DLGAP2: variants seen among roughly 807,000 people sequenced by gnomAD.
The protein encoded by DLGAP2 is disks large-associated protein 2.
A neutral mutation model predicts 100.3 loss-of-function variants in DLGAP2; 26 were observed. The ratio of observed to expected loss-of-function variants is 0.26; its 90% confidence interval spans 0.19 to 0.36. DLGAP2 has a LOEUF of 0.36. Among genes scored for constraint, DLGAP2 ranks in the 10% least tolerant of loss-of-function variants. The pLI is 1.00. For missense variants in DLGAP2, 1,858 were observed against 1,453.2 expected (o/e 1.28, Z -4.53); for synonymous variants, 886 against 630.1 (o/e 1.41, Z -6.08).
At chr8:1,277,773 C>T (rs1035075441) in intron 3 of DLGAP2, among the ~76,000 whole-genome samples, 1 of 152,296 alleles carries the variant, frequency 6.6e-6, no homozygotes, top group Admixed American at 6.5e-5. Flanking sequence ...GCAGGGCCGG[C>T]TTGCTCTGAA....
At chr8:983,103 A>G (rs368351042) in intron 2 of DLGAP2, among the ~76,000 whole-genome samples, 1 of 152,266 alleles carries the variant, frequency 6.6e-6, no homozygotes, top group African/African-American at 2.4e-5. Context: ...GATGGACCTG[A>G]CGGACTAGCC....
rs117253982 is a variant in DLGAP2, at chr8:1,358,547, G to A, written c.106+99664G>A. ...CCCTCTTTGCATTCCTTAACATCACGCTGGAGACCTCAAATCTATTCAATA... is the reference window on the plus strand; with the variant it reads ...CCCTCTTTGCATTCCTTAACATCACACTGGAGACCTCAAATCTATTCAATA... On this transcript the variant is annotated intron_variant, in intron 3 of 14. Transcript: ENST00000637795. Among the ~76,000 whole-genome samples, 66 of 152,246 alleles carry A rather than the reference G, an allele frequency of 4.3e-4. 2 individuals are homozygous for A. The East Asian group carries it at 0.012, about 27-fold the overall frequency.
intron 2 of DLGAP2, among the ~76,000 whole-genome samples, chr8:1,164,180 T>C (rs1336183930): frequency 1.6e-5 from 2 of 128,514 alleles, no homozygotes; most frequent in Non-Finnish European, 3.4e-5. Flanking sequence ...GTCATTTTGG[T>C]TTGTGGGGAT....
intron 2 of DLGAP2, among the ~76,000 whole-genome samples, chr8:1,206,986 C>A (rs1417680263): frequency 6.6e-6 from 1 of 152,202 alleles, no homozygotes; most frequent in East Asian, 1.9e-4. Context: ...TGCCCACCCT[C>A]CCAGAGAGGC....
At chr8:1,324,171 C>T (rs371179953) in intron 3 of DLGAP2, among the ~76,000 whole-genome samples, 21 of 152,304 alleles carry the variant, frequency 1.4e-4, no homozygotes, top group Middle Eastern at 3.4e-3. Flanking sequence ...GGACTGTTTG[C>T]TCTTAAGTTG....
intron 8 of DLGAP2, among the ~76,000 whole-genome samples, chr8:1,658,576 T>C (rs1798337415): frequency 6.6e-6 from 1 of 152,094 alleles, no homozygotes. Flanking sequence ...CATGGGAGGG[T>C]GTATGTGTCC....
intron 3 of DLGAP2, among the ~76,000 whole-genome samples, chr8:1,382,541 A>G (rs1194133409): frequency 6.6e-6 from 1 of 152,194 alleles, no homozygotes; most frequent in Non-Finnish European, 1.5e-5. Context: ...TTTGAGACCA[A>G]CCTGGGCAAC....
chr8:813,400 T>C (rs75577870), intron 1 of DLGAP2, among the ~76,000 whole-genome samples: 1,743 of 152,280 alleles, frequency 0.011, 33 homozygotes, highest in African/African-American at 0.04. Context: ...GAAAATATTA[T>C]GTTGTGATTT....
At chr8:1,205,876 A>C (rs1362707328) in intron 2 of DLGAP2, among the ~76,000 whole-genome samples, 2 of 152,282 alleles carry the variant, frequency 1.3e-5, no homozygotes, top group Non-Finnish European at 2.9e-5. Flanking sequence ...AGGGCAGCCA[A>C]GTGCAGTGGC....
At chr8:998,596 C>G (rs1210785132) in intron 2 of DLGAP2, among the ~76,000 whole-genome samples, 2 of 152,118 alleles carry the variant, frequency 1.3e-5, no homozygotes, top group Non-Finnish European at 2.9e-5. Flanking sequence ...AGCCACCATG[C>G]CTGACCTCAT....
rs147288967 is a variant in DLGAP2, at chr8:1,281,603, A to T, written c.106+22720A>T. Among the ~76,000 whole-genome samples the T allele has an allele frequency of 7.8e-3, 1,195 of 152,290 alleles. 19 individuals are homozygous for T. The highest frequency in any genetic ancestry group is 0.027 in the African/African-American group (1,132 of 41,558). On this transcript the variant is annotated intron_variant, in intron 3 of 14. Coordinates refer to ENST00000637795, the MANE Select transcript of DLGAP2 (RefSeq NM_001346810.2). ...GTTGACCAGTTTTGAGCCCGTCCTCATTCTCATTGGGGAGCTGTTATTAAT... is the reference window on the plus strand; with the variant it reads ...GTTGACCAGTTTTGAGCCCGTCCTCTTTCTCATTGGGGAGCTGTTATTAAT...
chr8:1,681,700 G>C (rs1293538225), intron 12 of DLGAP2, among the ~76,000 whole-genome samples: 2 of 152,184 alleles, frequency 1.3e-5, no homozygotes, highest in Non-Finnish European at 2.9e-5. Flanking sequence ...CATATGATAT[G>C]TCAGGCCCTG....
intron 3 of DLGAP2, among the ~76,000 whole-genome samples, chr8:1,440,670 T>C (rs1797803989): frequency 1.3e-5 from 2 of 152,246 alleles, no homozygotes; most frequent in Non-Finnish European, 2.9e-5. Flanking sequence ...GAGCGTGGAT[T>C]GTCGGGTGAG....
chr8:1,686,525 A>T (rs1219086053), intron 12 of DLGAP2, among the ~76,000 whole-genome samples: 1 of 152,128 alleles, frequency 6.6e-6, no homozygotes, highest in Non-Finnish European at 1.5e-5. Context: ...AAAGTTAGCC[A>T]GGCATGGTGG....
chr8:1,595,418 C>T lies in DLGAP2; in HGVS notation c.1442+29524C>T, dbSNP rs922413569. Among the ~76,000 whole-genome samples the T allele has an allele frequency of 6.3e-4, 96 of 151,844 alleles. 1 individual carries two copies. Among genetic ancestry groups the T allele is most frequent in the Middle Eastern group, 6.8e-3 (2 of 294 alleles). ...GTGGCTCACGCCTGTAATCCCAGCACTTTGGGAGGCCGAGGCGGGTGGATC... is the reference window on the plus strand; with the variant it reads ...GTGGCTCACGCCTGTAATCCCAGCATTTTGGGAGGCCGAGGCGGGTGGATC... On this transcript the variant is annotated intron_variant, in intron 6 of 14. Transcript: ENST00000637795.
intron 1 of DLGAP2, among the ~76,000 whole-genome samples, chr8:886,550 CAG>C (rs1797927257): frequency 1.3e-5 from 2 of 152,184 alleles, no homozygotes; most frequent in Non-Finnish European, 2.9e-5. Flanking sequence ...AGCTGTGTCT[CAG>C]AGATTCTGAT....
intron 2 of DLGAP2, among the ~76,000 whole-genome samples, chr8:1,190,449 G>A (rs1015944526): frequency 7.9e-5 from 12 of 151,390 alleles, no homozygotes; most frequent in African/African-American, 1.2e-4. Flanking sequence ...TGTTGGAGTC[G>A]CTCCCCTGTG....
chr8:1,359,549 G>A (rs905097761), intron 3 of DLGAP2, among the ~76,000 whole-genome samples: 65 of 152,364 alleles, frequency 4.3e-4, no homozygotes, highest in African/African-American at 1.5e-3. Context: ...AGGCCTGGAG[G>A]GATTTGGGCT....
intron 2 of DLGAP2, among the ~76,000 whole-genome samples, chr8:922,938 A>G (rs369122117): frequency 1.3e-5 from 2 of 152,166 alleles, no homozygotes; most frequent in East Asian, 1.9e-4. Flanking sequence ...GAGTTTTGGA[A>G]TATAGAGGGA....
Sources: allele counts gnomAD v4.1 joint callset (sites outside exome capture counted in the v4.1 genomes callset), GRCh38; gene constraint gnomAD v4.1.1; transcripts MANE v1.5; gene names NCBI Gene and HGNC (gene_info 2026-07-23, HGNC 2026-07-21).